NPIPB2: variants seen among roughly 807,000 people sequenced by gnomAD.
The protein encoded by NPIPB2 is nuclear pore complex interacting protein family member B2, also known as nuclear pore complex-interacting protein family member B2.
Under a neutral mutation model 30.8 loss-of-function variants are expected in NPIPB2, and 27 were observed. That is an observed-to-expected ratio of 0.88 (90% CI 0.65 to 1.21). The LOEUF is 1.21. Ranked by LOEUF, NPIPB2 falls within the 50% of genes most tolerant of loss-of-function variation. The probability of loss-of-function intolerance (pLI) is 0.00; values close to 1 mark genes in which losing one functional copy is unlikely to be tolerated. For missense variants in NPIPB2, 440 were observed against 446.2 expected, an observed-to-expected ratio of 0.99 and a Z score of 0.13; for synonymous variants, 147 against 162.0, an observed-to-expected ratio of 0.91 and a Z score of 0.70.
At chr16:11,943,537 A>C (rs1055198667), upstream of NPIPB2, among the ~76,000 whole-genome samples, 24 of 151,286 alleles carry the variant, frequency 1.6e-4, no homozygotes, top group Non-Finnish European at 2.4e-4. Context: ...CCCCGTCTCT[A>C]CTAAAAATAC....
At chr16:11,972,196 G>C (rs1362103329) in intron 1 of NPIPB2, among the ~76,000 whole-genome samples, 2 of 152,124 alleles carry the variant, frequency 1.3e-5, no homozygotes, top group Non-Finnish European at 2.9e-5. Flanking sequence ...TAAGATAAGG[G>C]ATTGTGGAGA....
chr16:11,934,598 C>T (rs372726899), intron 2 of NPIPB2, among the ~76,000 whole-genome samples: 23 of 149,792 alleles, frequency 1.5e-4, no homozygotes, highest in East Asian at 1.2e-3. Context: ...CGGTAGCTCA[C>T]GCCTGTAATC....
chr16:11,943,847 A>T (rs2054971246), upstream of NPIPB2, among the ~76,000 whole-genome samples: 1 of 150,900 alleles, frequency 6.6e-6, no homozygotes, highest in South Asian at 2.1e-4. Context: ...AAATACAAAA[A>T]ATTAGCTGGC....
At chr16:11,933,233 C>G (rs2054814769) in intron 4 of NPIPB2, among the ~76,000 whole-genome samples, 1 of 144,936 alleles carries the variant, frequency 6.9e-6, no homozygotes, top group Non-Finnish European at 1.5e-5. Flanking sequence ...GCCTGGGCAA[C>G]AAGAGCAAAG....
intron 4 of NPIPB2, 71 bp downstream of exon 4, chr16:11,933,446 G>C: frequency 6.3e-7 from 1 of 1,586,802 alleles, no homozygotes; most frequent in Non-Finnish European, 8.5e-7. Context: ...ATATTCTCAA[G>C]GACTTTACAG....
chr16:11,968,169 C>G, intron 1 of NPIPB2: 1 of 283,704 alleles, frequency 3.5e-6, no homozygotes, highest in Non-Finnish European at 6.6e-6. Context: ...AGAATTCTAA[C>G]CTATTGATAA....
chr16:11,965,823 C>T (rs796100220), intron 1 of NPIPB2, among the ~76,000 whole-genome samples: 9 of 152,198 alleles, frequency 5.9e-5, no homozygotes, highest in African/African-American at 2.2e-4. Context: ...TCAAGTATGA[C>T]AGCCGGGTGC....
Position 11,927,482 on chromosome 16 carries a change from G to T in NPIPB2, c.1085C>A (p.Ser362Ter). The change falls in exon 8 of 8, where the codon TCA (serine) becomes TAA (stop). Residue 362 changes from serine (S) to a stop codon, truncating the protein, a stop_gained. Transcript: ENST00000399147. LOFTEE classifies it high-confidence loss of function. ...CCTCCGCCTCTTGGGTTCGGGTGGT[G>T]ATTCCACCTCAGCGGCCCTCCGCCT... The T allele has an allele frequency of 7.9e-7, 1 of 1,271,660 alleles. No individual in the cohort carries two copies. The highest frequency in any genetic ancestry group is 1.3e-5 in the South Asian group (1 of 76,944). 78.8% of individuals were successfully genotyped at this position (1,271,660 alleles called of 1,614,324 possible). A position where few individuals can be genotyped will look rare whatever the true frequency, so the allele number is the denominator to read the frequency against.
chr16:11,933,952 G>T (rs767347587), intron 2 of NPIPB2, 28 bp from the exon 3 acceptor site: 468 of 1,502,692 alleles, frequency 3.1e-4, no homozygotes, highest in Non-Finnish European at 1.8e-4. Flanking sequence ...AAGAATGACG[G>T]CTGGGCACGG....
chr16:11,962,611 C>CAA (rs765156261), intron 1 of NPIPB2, among the ~76,000 whole-genome samples: 29 of 34,400 alleles, frequency 8.4e-4, no homozygotes, highest in East Asian at 2.2e-3. Flanking sequence ...GATTCTGTCT[C>CAA]AAAAAAAAAA....
At chr16:11,970,855 C>T (rs1362931240) in intron 1 of NPIPB2, among the ~76,000 whole-genome samples, 2 of 136,120 alleles carry the variant, frequency 1.5e-5, no homozygotes, top group Non-Finnish European at 1.5e-5. Context: ...TTTTCTTACT[C>T]GTTTCTTTTT....
At chr16:11,955,214 C>T (rs1398954543) in intron 1 of NPIPB2, among the ~76,000 whole-genome samples, 3 of 151,092 alleles carry the variant, frequency 2.0e-5, no homozygotes, top group Non-Finnish European at 4.4e-5. Flanking sequence ...ATTAGCTGGC[C>T]GTCGTGGCAC....
chr16:11,973,395 C>T (rs2055247815), intron 1 of NPIPB2, among the ~76,000 whole-genome samples: 1 of 152,050 alleles, frequency 6.6e-6, no homozygotes, highest in Non-Finnish European at 1.5e-5. Flanking sequence ...GTTCTTTCCA[C>T]TGTGGGGGCC....
intron 1 of NPIPB2, among the ~76,000 whole-genome samples, chr16:11,947,671 T>G (rs540110490): frequency 6.6e-6 from 1 of 151,936 alleles, no homozygotes; most frequent in Non-Finnish European, 1.5e-5. Context: ...AGAGTGATCT[T>G]CATCAGAAAT....
At chr16:11,951,661 CACA>C (rs1567473677) in intron 1 of NPIPB2, among the ~76,000 whole-genome samples, 6 of 148,882 alleles carry the variant, frequency 4.0e-5, no homozygotes, top group South Asian at 2.3e-4. Flanking sequence ...CACACACACA[CACA>C]CACCCAGCCC....
At chr16:11,965,538 G>A (rs1292861166) in intron 1 of NPIPB2, 20 of 1,369,946 alleles carry the variant, frequency 1.5e-5, no homozygotes, top group Non-Finnish European at 2.0e-5. Flanking sequence ...TCAACATAAT[G>A]GGCATGATGG....
intron 1 of NPIPB2, among the ~76,000 whole-genome samples, chr16:11,957,983 C>A (rs2055124753): frequency 6.6e-6 from 1 of 152,196 alleles, no homozygotes. Context: ...GAATCCCCCA[C>A]ACATCCTGCC....
At chr16:11,972,998 TA>T (rs1042367545) in intron 1 of NPIPB2, among the ~76,000 whole-genome samples, 1 of 150,322 alleles carries the variant, frequency 6.7e-6, no homozygotes, top group African/African-American at 2.5e-5. Flanking sequence ...CTAACTCTAC[TA>T]AAAGTATAAA....
rs533307359 is a variant in NPIPB2, at chr16:11,941,931, C to T, written c.63+52G>A. ...CAGGGTTCCTCAAGGTCACTTTTGG[C>T]GACAAAACATAAAAAACAAATGATG... On this transcript the variant is annotated intron_variant, in intron 1 of 7. Coordinates refer to ENST00000399147, the Ensembl canonical transcript of NPIPB2. The T allele has an allele frequency of 2.3e-3, 2,337 of 1,026,752 alleles. 36 individuals are homozygous for T. The African/African-American group carries it at 0.035, about 15-fold the overall frequency. 63.6% of individuals were successfully genotyped at this position (1,026,752 alleles called of 1,614,324 possible).
Sources: allele counts gnomAD v4.1 joint callset (sites outside exome capture counted in the v4.1 genomes callset), GRCh38; gene constraint gnomAD v4.1.1; transcripts MANE v1.5; gene names NCBI Gene and HGNC (gene_info 2026-07-23, HGNC 2026-07-21).